Variants in CCDC171 observed in about 807,000 individuals in gnomAD.
CCDC171 encodes the protein coiled-coil domain-containing protein 171.
Under a neutral mutation model 168.2 loss-of-function variants are expected in CCDC171, and 177 were observed. The ratio of observed to expected loss-of-function variants is 1.05; its 90% CI spans 0.93 to 1.19. The LOEUF is 1.19. Ranked by LOEUF, CCDC171 falls within the 50% of genes most tolerant of loss-of-function variation. CCDC171 has a pLI of 0.00. For missense variants in CCDC171, 1,991 were observed against 1,539.0 expected (o/e 1.29, Z -4.91); for synonymous variants, 687 against 540.8 (o/e 1.27, Z -3.75).
At position 15,727,984 on chromosome 9, in the gene CCDC171, T is replaced by TA; in HGVS notation, c.1809dup (p.Gln604ThrfsTer5). The TA allele has an allele frequency of 6.2e-7, 1 of 1,613,270 alleles. No individual in the cohort carries two copies. The highest frequency in any genetic ancestry group is 8.5e-7 in the Non-Finnish European group (1 of 1,179,542). On this transcript the variant is annotated frameshift_variant, in exon 15 of 26. Transcript: ENST00000380701. LOFTEE classifies it high-confidence loss of function. ...TCTTGGTCTGAGCTTTGTGCAGTCT[T>TA]ACAGGAGAATGTTGATGCCCTGATT...
intron 7 of CCDC171, among the ~76,000 whole-genome samples, chr9:15,643,031 T>G (rs1355531258): frequency 1.3e-5 from 2 of 152,144 alleles, no homozygotes; most frequent in Non-Finnish European, 2.9e-5. Flanking sequence ...TTAGCCTTGT[T>G]TTTTTTCTCT....
chr9:15,626,787 T>C (rs1190011321), intron 7 of CCDC171, among the ~76,000 whole-genome samples: 1 of 152,172 alleles, frequency 6.6e-6, no homozygotes, highest in Non-Finnish European at 1.5e-5. Flanking sequence ...TTTTTTTAGT[T>C]GTGTCTTTGC....
chr9:15,679,206 T>A (rs946271680), intron 10 of CCDC171, among the ~76,000 whole-genome samples: 1 of 152,174 alleles, frequency 6.6e-6, no homozygotes, highest in Non-Finnish European at 1.5e-5. Flanking sequence ...TAAGGGTGAT[T>A]AGGGTTTGTA....
chr9:15,955,482 C>T (rs1829700216), intron 25 of CCDC171, among the ~76,000 whole-genome samples: 1 of 152,106 alleles, frequency 6.6e-6, no homozygotes, highest in Non-Finnish European at 1.5e-5. Flanking sequence ...CCTACCCTGG[C>T]TCCTGCAAGT....
At chr9:15,746,023 C>A (rs941292674) in intron 18 of CCDC171, among the ~76,000 whole-genome samples, 1 of 151,954 alleles carries the variant, frequency 6.6e-6, no homozygotes, top group African/African-American at 2.4e-5. Flanking sequence ...AAATTTTTAT[C>A]TCTCGTTTTG....
In CCDC171 at chr9:15,574,141, C is replaced by G. The variant is rs753807971; in HGVS notation, c.177+2382C>G. Reference sequence around the variant, plus strand: ...TTTTTCAATTATTTCTTTTCTTTCTCTTTTTCTTTTTTTTTTTGAGACAGA... The same window carrying G: ...TTTTTCAATTATTTCTTTTCTTTCTGTTTTTCTTTTTTTTTTTGAGACAGA... On this transcript the variant is annotated intron_variant, in intron 3 of 25. Coordinates refer to ENST00000380701, the MANE Select transcript of CCDC171 (RefSeq NM_173550.4). Among the ~76,000 whole-genome samples, 14 of 150,386 alleles carry G rather than the reference C, an allele frequency of 9.3e-5. No homozygotes were observed. The East Asian group carries it at 2.3e-3, about 25-fold the overall frequency.
intron 6 of CCDC171, among the ~76,000 whole-genome samples, chr9:15,612,756 A>G (rs2043793793): frequency 6.6e-6 from 1 of 152,000 alleles, no homozygotes. Context: ...TTTCCATGCC[A>G]TTCTTTGCAA....
chr9:15,702,669 C>G (rs953890635), intron 11 of CCDC171, among the ~76,000 whole-genome samples: 1 of 152,152 alleles, frequency 6.6e-6, no homozygotes, highest in African/African-American at 2.4e-5. Context: ...TTAGTCTTCA[C>G]TGAAAATCTG....
At chr9:15,813,465 G>A (rs1373299725) in intron 21 of CCDC171, among the ~76,000 whole-genome samples, 2 of 151,944 alleles carry the variant, frequency 1.3e-5, no homozygotes, top group Non-Finnish European at 2.9e-5. Flanking sequence ...TTTGTTTTTT[G>A]GCTATAGCAT....
At chr9:16,006,478 C>A (rs963626700) in intron 3 of CCDC171, among the ~76,000 whole-genome samples, 1 of 151,990 alleles carries the variant, frequency 6.6e-6, no homozygotes, top group Admixed American at 6.6e-5. Flanking sequence ...ATGTGCACAA[C>A]GTGCAGGTTT....
At chr9:15,687,909 A>G (rs533859408) in intron 10 of CCDC171, among the ~76,000 whole-genome samples, 169 of 152,282 alleles carry the variant, frequency 1.1e-3, no homozygotes, top group African/African-American at 3.8e-3. Flanking sequence ...TCATGAGGTT[A>G]GGAGTTCACG....
At chr9:15,845,521 A>T (rs918087383) in intron 21 of CCDC171, 5 of 152,094 alleles carry the variant, frequency 3.3e-5, no homozygotes, top group Non-Finnish European at 5.9e-5. Flanking sequence ...ACATGTATGC[A>T]GCTTAAGTTT....
chr9:15,664,694 GTT>G lies in CCDC171; in HGVS notation c.916-1449_916-1448del, dbSNP rs71325927. Among the ~76,000 whole-genome samples, 37 of 99,502 alleles carry G rather than the reference GTT, an allele frequency of 3.7e-4. 1 individual carries two copies. Among genetic ancestry groups the G allele is most frequent in the Admixed American group, 6.9e-4 (7 of 10,200 alleles). The allele number at this position is 99,502 out of a possible 152,430, so 65.3% of individuals were successfully genotyped here. On this transcript the variant is annotated intron_variant, in intron 8 of 25. Transcript: ENST00000380701. ...TGGTGGACACAGGGAATATAGTTTT[GTT>G]TTTTTTTTTTTTTTTTTTTGAGACG...
the CCDC171 span, among the ~76,000 whole-genome samples, chr9:16,068,537 C>T: frequency 6.6e-6 from 1 of 152,190 alleles, no homozygotes; most frequent in Non-Finnish European, 1.5e-5. Context: ...GAACCATTCT[C>T]AGTTCAAACT....
chr9:15,571,359 A>T (rs910486165), intron 2 of CCDC171, among the ~76,000 whole-genome samples: 1 of 152,216 alleles, frequency 6.6e-6, no homozygotes, highest in African/African-American at 2.4e-5. Context: ...ATATGATCAG[A>T]CAATTTAAGT....
At chr9:15,860,841 G>A (rs139816560) in intron 23 of CCDC171, among the ~76,000 whole-genome samples, 2 of 151,794 alleles carry the variant, frequency 1.3e-5, no homozygotes, top group African/African-American at 4.8e-5. Context: ...TGGAAGTGGG[G>A]TAATGAAGTC....
intron 21 of CCDC171, among the ~76,000 whole-genome samples, chr9:15,799,018 T>G (rs556960713): frequency 1.5e-4 from 22 of 151,482 alleles, no homozygotes; most frequent in African/African-American, 5.3e-4. Context: ...TGTCATAGAT[T>G]TCAATTTTAC....
chr9:15,787,426 C>T (rs371668161), intron 21 of CCDC171, among the ~76,000 whole-genome samples: 48 of 152,192 alleles, frequency 3.2e-4, no homozygotes, highest in African/African-American at 1.0e-3. Context: ...AATTTATTAA[C>T]CTAATTTAAT....
intron 3 of CCDC171, among the ~76,000 whole-genome samples, chr9:15,993,849 C>G (rs1025644405): frequency 6.6e-6 from 1 of 152,116 alleles, no homozygotes; most frequent in Non-Finnish European, 1.5e-5. Flanking sequence ...ATGCTTATCA[C>G]TGGCCATCAG....
Sources: gnomAD v4.1 joint callset for allele counts (sites outside exome capture counted in the v4.1 genomes callset) on GRCh38, gnomAD v4.1.1 for gene constraint, MANE v1.5 for transcripts, NCBI Gene and HGNC (gene_info 2026-07-23, HGNC 2026-07-21) for gene names.